Variants in EXOC4 observed in about 807,000 individuals in gnomAD.
EXOC4 encodes exocyst complex component 4.
Under a neutral mutation model 107.2 loss-of-function variants are expected in EXOC4, and 71 were observed. That is an observed-to-expected ratio of 0.66 (90% CI 0.55 to 0.81). The LOEUF (loss-of-function observed/expected upper bound fraction) is 0.81, where lower values mean the gene tolerates loss of function less well. Ranked by LOEUF, EXOC4 falls within the 30% of genes least tolerant of loss-of-function variation. EXOC4 has a pLI of 0.00. For missense variants in EXOC4, 1,108 were observed against 1,189.6 expected, an observed-to-expected ratio of 0.93 and a Z score of 1.01; for synonymous variants, 456 against 441.2, an observed-to-expected ratio of 1.03 and a Z score of -0.42.
intron 12 of EXOC4, among the ~76,000 whole-genome samples, chr7:133,898,305 G>T (rs1799368026): frequency 6.6e-6 from 1 of 152,008 alleles, no homozygotes. Context: ...AATAACAATT[G>T]TAAAAGCCAC....
intron 17 of EXOC4, among the ~76,000 whole-genome samples, chr7:134,052,658 A>G (rs1306244898): frequency 6.6e-6 from 1 of 152,212 alleles, no homozygotes; most frequent in Non-Finnish European, 1.5e-5. Flanking sequence ...CTATCATATC[A>G]TTTGATTAAT....
intron 6 of EXOC4, among the ~76,000 whole-genome samples, chr7:133,360,055 C>G (rs1019187672): frequency 2.0e-5 from 3 of 152,152 alleles, no homozygotes; most frequent in African/African-American, 7.2e-5. Context: ...TTACCAGAAC[C>G]ACCTGCTACC....
rs774840168 is a variant in EXOC4, at chr7:133,720,027, G to A, written c.1514+89886G>A. Among the ~76,000 whole-genome samples, 96 of 152,222 alleles carry A rather than the reference G, an allele frequency of 6.3e-4. No individual in the cohort carries two copies. The Middle Eastern group carries it at 0.02, about 32-fold the overall frequency. On this transcript the variant is annotated intron_variant, in intron 10 of 17. Coordinates refer to ENST00000253861, the MANE Select transcript of EXOC4 (RefSeq NM_021807.4). ...GATTGTCTAATATGTTCTCACCATC[G>A]CCACGTTTGGCTGTGGACCTCTTGG...
the EXOC4 span, among the ~76,000 whole-genome samples, chr7:134,082,465 T>G: frequency 6.6e-6 from 1 of 152,236 alleles, no homozygotes; most frequent in East Asian, 1.9e-4. Flanking sequence ...TGTTGGATAC[T>G]GAGTCTTGCT....
At chr7:134,028,390 G>A (rs1018099272) in intron 17 of EXOC4, among the ~76,000 whole-genome samples, 2 of 152,056 alleles carry the variant, frequency 1.3e-5, no homozygotes, top group South Asian at 2.1e-4. Context: ...TTATTTTTTC[G>A]TAAGGAAATT....
At chr7:133,521,040 G>A (rs887823377) in intron 9 of EXOC4, among the ~76,000 whole-genome samples, 9 of 152,180 alleles carry the variant, frequency 5.9e-5, no homozygotes, top group African/African-American at 2.2e-4. Flanking sequence ...TGCACATTAC[G>A]TGGTCTGGAT....
chr7:133,870,105 T>A (rs1445839186), intron 11 of EXOC4, among the ~76,000 whole-genome samples: 2 of 152,164 alleles, frequency 1.3e-5, no homozygotes, highest in African/African-American at 4.8e-5. Context: ...CTATATCTAG[T>A]GAAGGTTGCA....
intron 17 of EXOC4, among the ~76,000 whole-genome samples, chr7:134,051,965 A>G (rs550490660): frequency 5.4e-4 from 81 of 151,256 alleles, no homozygotes; most frequent in Admixed American, 1.3e-3. Context: ...CAGCCTGGGC[A>G]ATAGAGCACG....
intron 9 of EXOC4, among the ~76,000 whole-genome samples, chr7:133,614,419 G>A (rs1802141609): frequency 6.6e-6 from 1 of 152,094 alleles, no homozygotes; most frequent in Non-Finnish European, 1.5e-5. Context: ...GTAAGGGACT[G>A]CCTTTTAATT....
intron 7 of EXOC4, among the ~76,000 whole-genome samples, chr7:133,392,626 T>C (rs2150718684): frequency 6.6e-6 from 1 of 152,286 alleles, no homozygotes; most frequent in East Asian, 1.9e-4. Context: ...GACCACAGAC[T>C]TTTACTGTGT....
intron 14 of EXOC4, among the ~76,000 whole-genome samples, chr7:133,978,904 A>G (rs541639033): frequency 5.9e-5 from 9 of 152,324 alleles, no homozygotes; most frequent in African/African-American, 1.7e-4. Flanking sequence ...AGATGTTCCT[A>G]TGCTTCCAGG....
At position 133,374,897 on chromosome 7, in the gene EXOC4, C is replaced by T. The variant is rs775584338; in HGVS notation, c.1077C>T (p.Val359=). 1 of 1,613,970 alleles carries T rather than the reference C, an allele frequency of 6.2e-7. No individual in the cohort carries two copies. The highest frequency in any genetic ancestry group is 8.5e-7 in the Non-Finnish European group (1 of 1,179,922). ...CTGTAGCCGCTGCACACTCTGTGGT[C>T]CTGGGATACCTGCAGGACACTGTAG... ...FNAVAAAHSV[V]LGYLQDTVVT... is the part of the protein sequence containing the mutation. Residue 359 remains valine, a synonymous_variant, in exon 7 of 18, where the codon GTC becomes GTT. Coordinates refer to ENST00000253861, the MANE Select transcript of EXOC4 (RefSeq NM_021807.4).
intron 10 of EXOC4, among the ~76,000 whole-genome samples, chr7:133,696,833 T>C (rs1794545520): frequency 6.6e-6 from 1 of 152,220 alleles, no homozygotes; most frequent in South Asian, 2.1e-4. Context: ...GGGCAAAATG[T>C]CTTATTTGTC....
intron 15 of EXOC4, among the ~76,000 whole-genome samples, chr7:134,001,795 T>C (rs1456220032): frequency 6.6e-6 from 1 of 152,188 alleles, no homozygotes; most frequent in Admixed American, 6.5e-5. Flanking sequence ...CCTGTGCCCA[T>C]CTCCCCAAGC....
intron 11 of EXOC4, among the ~76,000 whole-genome samples, chr7:133,852,529 T>A (rs1798258276): frequency 6.6e-6 from 1 of 152,218 alleles, no homozygotes. Flanking sequence ...GCCCATGAGA[T>A]AATTCAACAC....
intron 7 of EXOC4, among the ~76,000 whole-genome samples, chr7:133,423,500 G>A (rs942748132): frequency 2.0e-5 from 3 of 152,202 alleles, no homozygotes. Flanking sequence ...GTGCATGTGT[G>A]TAGACTTTTG....
At chr7:133,885,106 G>A in intron 11 of EXOC4, among the ~76,000 whole-genome samples, 1 of 152,024 alleles carries the variant, frequency 6.6e-6, no homozygotes, top group Non-Finnish European at 1.5e-5. Context: ...ATGAGGTCAG[G>A]AGATCGAGAC....
intron 11 of EXOC4, among the ~76,000 whole-genome samples, chr7:133,852,544 A>G (rs1798258608): frequency 1.3e-5 from 2 of 152,204 alleles, no homozygotes; most frequent in Admixed American, 6.5e-5. Flanking sequence ...CAACACATAT[A>G]GGTCTCTTAG....
intron 3 of EXOC4, among the ~76,000 whole-genome samples, chr7:133,296,521 G>A (rs1298342665): frequency 6.6e-6 from 1 of 152,042 alleles, no homozygotes; most frequent in Non-Finnish European, 1.5e-5. Context: ...CTACAATTAA[G>A]TGAGTAGGTT....
Sources: allele counts gnomAD v4.1 joint callset (sites outside exome capture counted in the v4.1 genomes callset), GRCh38; gene constraint gnomAD v4.1.1; transcripts MANE v1.5; gene names NCBI Gene and HGNC (gene_info 2026-07-23, HGNC 2026-07-21).